ARMC8: variants seen among roughly 807,000 people sequenced by gnomAD.
The protein encoded by ARMC8 is armadillo repeat containing 8.
In ARMC8, 20 loss-of-function variants were observed where a neutral mutation model predicts 99.3. That is an observed-to-expected ratio of 0.20 (90% CI 0.14 to 0.29). The LOEUF (loss-of-function observed/expected upper bound fraction) is 0.29, where lower values mean the gene tolerates loss of function less well. Among genes scored for constraint, ARMC8 ranks in the 10% least tolerant of loss-of-function variants. The pLI is 1.00. For missense variants in ARMC8, 569 were observed against 809.5 expected (o/e 0.70, Z 3.60); for synonymous variants, 263 against 278.3 (o/e 0.95, Z 0.55).
At chr3:138,235,846 C>A (rs187244718) in intron 7 of ARMC8, among the ~76,000 whole-genome samples, 47 of 128,120 alleles carry the variant, frequency 3.7e-4, no homozygotes, top group Non-Finnish European at 6.6e-4. Context: ...CGCTTTGTTG[C>A]CCAGGCTGGA....
At chr3:138,210,994 C>G (rs1187089970) in intron 2 of ARMC8, among the ~76,000 whole-genome samples, 1 of 151,094 alleles carries the variant, frequency 6.6e-6, no homozygotes, top group Non-Finnish European at 1.5e-5. Context: ...GGTGGTATTT[C>G]TGGTGTTCTC....
Position 138,298,349 on chromosome 3 carries a change from T to C in ARMC8, c.*2457T>C, listed in dbSNP as rs1394071317. On this transcript the variant is annotated 3_prime_UTR_variant, in exon 22 of 22. Transcript: ENST00000469044. ...GTTTGGATAATATGATTTTAACACA[T>C]GCTAATAAAAGCCAAGAAAAATCAT... 6.6e-6 allele frequency: 1 copy of C among 152,186 alleles called. No homozygotes were observed. Among genetic ancestry groups the C allele is most frequent in the Admixed American group, 6.5e-5 (1 of 15,282 alleles). The allele number at this position is 152,186 out of a possible 1,614,324, so 9.4% of individuals were successfully genotyped here.
intron 18 of ARMC8, among the ~76,000 whole-genome samples, chr3:138,275,061 A>G (rs1055103229): frequency 2.6e-5 from 4 of 152,166 alleles, no homozygotes; most frequent in South Asian, 4.1e-4. Flanking sequence ...TAAAGTACGA[A>G]GCTGTGCATT....
chr3:138,235,738 A>G (rs531762412), intron 7 of ARMC8, among the ~76,000 whole-genome samples: 1 of 151,118 alleles, frequency 6.6e-6, no homozygotes, highest in African/African-American at 2.4e-5. Flanking sequence ...CTTGCAGAAC[A>G]GGGAAGCAGT....
chr3:138,221,552 G>A (rs2045395106), intron 2 of ARMC8, among the ~76,000 whole-genome samples: 1 of 152,116 alleles, frequency 6.6e-6, no homozygotes, highest in Non-Finnish European at 1.5e-5. Flanking sequence ...AGGAGTTAAT[G>A]TTCTGTGGGC....
At chr3:138,281,666 A>G (rs1358434984) in intron 18 of ARMC8, among the ~76,000 whole-genome samples, 1 of 152,138 alleles carries the variant, frequency 6.6e-6, no homozygotes, top group Non-Finnish European at 1.5e-5. Context: ...TTCAAAACAG[A>G]ACTGTACCTC....
intron 2 of ARMC8, among the ~76,000 whole-genome samples, chr3:138,214,401 T>C (rs2044888187): frequency 6.6e-6 from 1 of 151,978 alleles, no homozygotes; most frequent in African/African-American, 2.4e-5. Context: ...TTCTGAAGCA[T>C]TTTAATGTAC....
intron 21 of ARMC8, among the ~76,000 whole-genome samples, chr3:138,293,495 C>T (rs1392370065): frequency 6.6e-6 from 1 of 151,814 alleles, no homozygotes; most frequent in African/African-American, 2.4e-5. Context: ...GCCGAGATTG[C>T]ACCAGTGCAC....
At chr3:138,221,782 A>G (rs2045410326) in intron 2 of ARMC8, 144 bp from the exon 3 acceptor site, 2 of 619,314 alleles carry the variant, frequency 3.2e-6, no homozygotes, top group South Asian at 3.8e-5. Flanking sequence ...ACCTATCTCT[A>G]TCCCTTCATT....
intron 12 of ARMC8, chr3:138,245,428 A>C (rs1284971739): frequency 7.3e-7 from 1 of 1,379,200 alleles, no homozygotes; most frequent in East Asian, 2.6e-5. Flanking sequence ...TTTTTGTGTC[A>C]TTAATATGAA....
intron 2 of ARMC8, among the ~76,000 whole-genome samples, chr3:138,214,139 T>G (rs2044867048): frequency 6.6e-6 from 1 of 151,062 alleles, no homozygotes; most frequent in East Asian, 1.9e-4. Context: ...GTCACAGAGT[T>G]GTTTTTGTTT....
intron 12 of ARMC8, among the ~76,000 whole-genome samples, chr3:138,247,127 ATAG>A (rs1404708447): frequency 6.6e-6 from 1 of 152,166 alleles, no homozygotes; most frequent in Non-Finnish European, 1.5e-5. Flanking sequence ...AAAATGATAA[ATAG>A]TAGCACTTTT....
intron 2 of ARMC8, among the ~76,000 whole-genome samples, chr3:138,220,449 T>C (rs1284900548): frequency 6.6e-6 from 1 of 152,182 alleles, no homozygotes; most frequent in African/African-American, 2.4e-5. Context: ...CCTCAGGCAC[T>C]GAGCTAATGG....
intron 6 of ARMC8, among the ~76,000 whole-genome samples, chr3:138,233,813 G>T (rs2046187974): frequency 6.6e-6 from 1 of 152,170 alleles, no homozygotes; most frequent in Admixed American, 6.5e-5. Flanking sequence ...GGGGAGCCCA[G>T]ACCGATAGCC....
chr3:138,243,012 C>T (rs1023085467), intron 11 of ARMC8, among the ~76,000 whole-genome samples: 3 of 152,054 alleles, frequency 2.0e-5, no homozygotes, highest in Admixed American at 1.3e-4. Context: ...AACCAGTTGC[C>T]TTGTCTGTTT....
chr3:138,271,309 A>G (rs564181371), intron 16 of ARMC8, among the ~76,000 whole-genome samples: 154 of 152,188 alleles, frequency 1.0e-3, no homozygotes, highest in African/African-American at 3.5e-3. Flanking sequence ...CTCTGAGAAC[A>G]TTCCCCCAAG....
At chr3:138,281,442 G>T (rs531540050) in intron 18 of ARMC8, among the ~76,000 whole-genome samples, 2 of 151,876 alleles carry the variant, frequency 1.3e-5, no homozygotes, top group East Asian at 3.9e-4. Flanking sequence ...ACAGGCATGC[G>T]CCACCACACC....
rs549712810 is a variant in ARMC8 at position 138,252,778 on chromosome 3, A to G, written c.1134+7595A>G. 7.9e-4 allele frequency among the ~76,000 whole-genome samples: 68 copies of G among 86,352 alleles called. No homozygotes were observed. In the South Asian group the frequency reaches 0.014, roughly 18 times the overall value. The allele number at this position is 86,352 out of a possible 152,430, so 56.7% of individuals were successfully genotyped here. A position where few individuals can be genotyped will look rare whatever the true frequency, so the allele number is the denominator to read the frequency against. ...CCCCCCCCCCACCCGGCCTAAATAG[A>G]AACTCTCATAAACCAGTTTGGCGAA... On this transcript the variant is annotated intron_variant, in intron 12 of 21. Transcript: ENST00000469044.
chr3:138,216,547 T>C (rs1405955485), intron 2 of ARMC8, among the ~76,000 whole-genome samples: 1 of 152,220 alleles, frequency 6.6e-6, no homozygotes, highest in African/African-American at 2.4e-5. Flanking sequence ...GTCTGGATAT[T>C]ACATTCTCCA....
Sources: allele counts gnomAD v4.1 joint callset (sites outside exome capture counted in the v4.1 genomes callset), GRCh38; gene constraint gnomAD v4.1.1; transcripts MANE v1.5; gene names NCBI Gene and HGNC (gene_info 2026-07-23, HGNC 2026-07-21).